MAGI2: variants seen among roughly 807,000 people sequenced by gnomAD.
MAGI2 encodes membrane-associated guanylate kinase, WW and PDZ domain-containing protein 2.
In MAGI2, 35 loss-of-function variants were observed where a neutral mutation model predicts 133.3. That is an observed-to-expected ratio of 0.26 (90% CI 0.20 to 0.35). MAGI2 has a LOEUF of 0.35. MAGI2 is among the 10% of genes least tolerant of loss of function. The pLI is 1.00. For synonymous variants in MAGI2, 729 were observed against 710.6 expected (o/e 1.03, Z -0.41); for missense variants, 1,636 against 1,863.4 (o/e 0.88, Z 2.25).
intron 2 of MAGI2, among the ~76,000 whole-genome samples, chr7:78,887,555 G>A (rs972583395): frequency 1.3e-5 from 2 of 152,208 alleles, no homozygotes; most frequent in Admixed American, 6.5e-5. Context: ...CATGCTTTAT[G>A]AATGGCTATA....
chr7:79,449,880 A>G (rs1363446853), intron 1 of MAGI2, among the ~76,000 whole-genome samples: 1 of 58,580 alleles, frequency 1.7e-5, no homozygotes, highest in Non-Finnish European at 4.2e-5. Context: ...ATATATACAT[A>G]TATATATATA....
chr7:78,546,842 A>G (rs993816580), intron 3 of MAGI2, among the ~76,000 whole-genome samples: 1 of 152,250 alleles, frequency 6.6e-6, no homozygotes, highest in African/African-American at 2.4e-5. Flanking sequence ...AACAGTGCCT[A>G]CCACACAGAG....
At chr7:78,853,228 C>T (rs1793296198) in intron 2 of MAGI2, among the ~76,000 whole-genome samples, 1 of 149,154 alleles carries the variant, frequency 6.7e-6, no homozygotes, top group Non-Finnish European at 1.5e-5. Context: ...TTTAACAGTC[C>T]AATAAAGAGA....
At chr7:78,972,938 TACACACACACACAC>T in intron 2 of MAGI2, among the ~76,000 whole-genome samples, 1 of 148,356 alleles carries the variant, frequency 6.7e-6, no homozygotes, top group East Asian at 2.0e-4. Context: ...TTGTTGCTTT[TACACACACACACAC>T]ACACACACAC....
chr7:78,118,589 C>A (rs112042006), intron 20 of MAGI2, among the ~76,000 whole-genome samples: 4,836 of 152,268 alleles, frequency 0.032, 109 homozygotes, highest in Non-Finnish European at 0.049. Context: ...GGCAGATTAG[C>A]ATATGAAAAG....
chr7:79,212,611 G>C (rs1023953259), intron 1 of MAGI2, among the ~76,000 whole-genome samples: 2 of 152,052 alleles, frequency 1.3e-5, no homozygotes, highest in African/African-American at 4.8e-5. Context: ...CAGTAAAACT[G>C]TAACTGGGAT....
intron 20 of MAGI2, among the ~76,000 whole-genome samples, chr7:78,086,736 G>A (rs1816685752): frequency 6.6e-6 from 1 of 151,682 alleles, no homozygotes. Context: ...CCAGGTTCAA[G>A]CAATCCTCCT....
At chr7:79,184,018 C>T (rs773050313) in intron 1 of MAGI2, among the ~76,000 whole-genome samples, 3 of 151,510 alleles carry the variant, frequency 2.0e-5, no homozygotes, top group Admixed American at 6.6e-5. Context: ...AGAAGTTGAT[C>T]GAACAATACA....
intron 2 of MAGI2, among the ~76,000 whole-genome samples, chr7:78,838,207 C>G (rs1193844787): frequency 1.3e-5 from 2 of 152,078 alleles, no homozygotes; most frequent in Non-Finnish European, 2.9e-5. Flanking sequence ...TAAATATCTG[C>G]TTAGTCGCTG....
Position 78,399,804 on chromosome 7 carries a change from CAAAAAAAAAA to C in MAGI2, c.1046-30601_1046-30592del, listed in dbSNP as rs3061269. On this transcript the variant is annotated intron_variant, in intron 6 of 21. Coordinates refer to ENST00000354212, the MANE Select transcript of MAGI2 (RefSeq NM_012301.4). ...TGGTTGACAGAGTGAGACTTTGTAT[CAAAAAAAAAA>C]AAAAAAAAAAAAAGGCATAACATTT... 7.2e-5 allele frequency among the ~76,000 whole-genome samples: 5 copies of C among 69,692 alleles called. 1 individual carries two copies. Among genetic ancestry groups the C allele is most frequent in the Non-Finnish European group, 7.9e-5 (3 of 38,094 alleles). 45.7% of individuals were successfully genotyped at this position (69,692 alleles called of 152,430 possible).
intron 16 of MAGI2, among the ~76,000 whole-genome samples, chr7:78,146,508 G>GT (rs2150570907): frequency 6.6e-6 from 1 of 152,240 alleles, no homozygotes; most frequent in East Asian, 1.9e-4. Context: ...TAAAAGCCCT[G>GT]TTGTCACTTG....
chr7:78,097,879 A>G (rs911505709), intron 20 of MAGI2, among the ~76,000 whole-genome samples: 7 of 152,118 alleles, frequency 4.6e-5, no homozygotes, highest in African/African-American at 1.7e-4. Context: ...AGGAAAGGCA[A>G]CTACTTATCT....
intron 9 of MAGI2, among the ~76,000 whole-genome samples, chr7:78,267,555 C>T (rs1794141243): frequency 6.6e-6 from 1 of 152,092 alleles, no homozygotes; most frequent in Admixed American, 6.5e-5. Flanking sequence ...CCAAGGATTG[C>T]CAATTAAAAC....
chr7:78,834,613 G>A (rs1791458441), intron 2 of MAGI2, among the ~76,000 whole-genome samples: 1 of 152,020 alleles, frequency 6.6e-6, no homozygotes, highest in African/African-American at 2.4e-5. Context: ...TCCACTGTTT[G>A]TCCATTTTGA....
chr7:78,372,514 T>C (rs1488132262), intron 6 of MAGI2, among the ~76,000 whole-genome samples: 1 of 152,154 alleles, frequency 6.6e-6, no homozygotes, highest in South Asian at 2.1e-4. Flanking sequence ...AATCTGTGGA[T>C]GATTAAGGTA....
rs569028881 is a variant in MAGI2, at chr7:78,060,878, G to A, written c.3706+18069C>T. On this transcript the variant is annotated intron_variant, in intron 21 of 21. Transcript: ENST00000354212. ...CGGATGGCTTGGGGATGCACTTAAA[G>A]GTTTTTGTTGGGTGCAGTGGCTCAC... Among the ~76,000 whole-genome samples, 368 of 152,238 alleles carry A rather than the reference G, an allele frequency of 2.4e-3. 1 individual carries two copies. Among genetic ancestry groups the A allele is most frequent in the African/African-American group, 8.3e-3 (343 of 41,536 alleles).
At chr7:78,891,127 G>A in intron 2 of MAGI2, among the ~76,000 whole-genome samples, 1 of 152,162 alleles carries the variant, frequency 6.6e-6, no homozygotes, top group East Asian at 1.9e-4. Flanking sequence ...AGAAAATCTA[G>A]AAGAAACGGA....
At chr7:78,485,928 G>T (rs1792951893) in intron 6 of MAGI2, 1 of 151,976 alleles carries the variant, frequency 6.6e-6, no homozygotes, top group Non-Finnish European at 1.5e-5. Flanking sequence ...AGAAAGCCTA[G>T]ATAAAATGTA....
intron 21 of MAGI2, among the ~76,000 whole-genome samples, chr7:78,020,815 A>AT (rs949626795): frequency 9.7e-5 from 13 of 134,518 alleles, no homozygotes; most frequent in Non-Finnish European, 1.8e-4. Flanking sequence ...TAAAACTATC[A>AT]TTTTTTAAAA....
Sources: allele counts gnomAD v4.1 joint callset (sites outside exome capture counted in the v4.1 genomes callset), GRCh38; gene constraint gnomAD v4.1.1; transcripts MANE v1.5; gene names NCBI Gene and HGNC (gene_info 2026-07-23, HGNC 2026-07-21).